Variants in GLS observed in about 807,000 individuals in gnomAD.
The protein encoded by GLS is glutaminase kidney isoform, mitochondrial.
A neutral mutation model predicts 86.7 loss-of-function variants in GLS; 36 were observed. That is an observed-to-expected ratio of 0.42 (90% confidence interval 0.32 to 0.55). The LOEUF (loss-of-function observed/expected upper bound fraction) is 0.55. Among genes scored for constraint, GLS ranks in the 20% least tolerant of loss-of-function variants. The pLI is 0.17. For synonymous variants in GLS, 317 were observed against 305.9 expected, an observed-to-expected ratio of 1.04 and a Z score of -0.38; for missense variants, 528 against 833.4, an observed-to-expected ratio of 0.63 and a Z score of 4.51.
intron 14 of GLS, among the ~76,000 whole-genome samples, chr2:190,936,264 A>G (rs1690265747): frequency 6.6e-6 from 1 of 151,168 alleles, no homozygotes; most frequent in Non-Finnish European, 1.5e-5. Flanking sequence ...ATTTATGTGG[A>G]AAGAACTGCT....
intron 7 of GLS, chr2:190,919,592 GT>G (rs1689668278): frequency 2.5e-6 from 1 of 396,336 alleles, no homozygotes; most frequent in East Asian, 1.6e-4. Flanking sequence ...GGTTACAAAG[GT>G]TTTTGTGGTT....
chr2:190,884,402 T>G (rs192967041), intron 1 of GLS, among the ~76,000 whole-genome samples: 2 of 152,254 alleles, frequency 1.3e-5, no homozygotes, highest in Non-Finnish European at 2.9e-5. Context: ...CGTACTGTTA[T>G]GAGAGTAATT....
chr2:190,941,081 A>G lies in GLS; in HGVS notation c.1650+9444A>G, dbSNP rs538220999. ...CTTTATTATTCACTGATAGGTTCTT[A>G]TTCAACTAATGTTTATTTCTTGCCT... On this transcript the variant is annotated intron_variant, in intron 14 of 17. Coordinates refer to ENST00000320717, the MANE Select transcript of GLS (RefSeq NM_014905.5). Among the ~76,000 whole-genome samples the G allele has an allele frequency of 2.6e-5, 4 of 152,286 alleles. No homozygotes were observed. In the South Asian group the frequency reaches 8.3e-4, roughly 32 times the overall value.
Position 190,921,130 on chromosome 2 carries a change from A to G in GLS, c.1072-15A>G. 2 of 1,599,080 alleles carry G rather than the reference A, an allele frequency of 1.3e-6. No individual in the cohort carries two copies. Among genetic ancestry groups the G allele is most frequent in the Non-Finnish European group, 1.7e-6 (2 of 1,166,958 alleles). Reference sequence around the variant, plus strand: ...TGTTTTTTGATTACTAATATTCCCTACTTTTGGTTTCTAGGTCATGCAGTT... The same window carrying G: ...TGTTTTTTGATTACTAATATTCCCTGCTTTTGGTTTCTAGGTCATGCAGTT... On this transcript the variant is annotated splice_polypyrimidine_tract_variant and intron_variant, in intron 8 of 17. Coordinates refer to ENST00000320717, the MANE Select transcript of GLS (RefSeq NM_014905.5). This position sits in a 1 kb window ranked among gnomAD's most constrained non-coding sequence, Gnocchi z 4.2.
intron 3 of GLS, among the ~76,000 whole-genome samples, chr2:190,899,475 C>T (rs895801861): frequency 1.3e-5 from 2 of 151,934 alleles, no homozygotes; most frequent in African/African-American, 4.8e-5. Flanking sequence ...TGGCTTTTAG[C>T]TTTAATTTGG....
At chr2:190,916,204 A>C (rs1250218315) in intron 7 of GLS, among the ~76,000 whole-genome samples, 1 of 152,188 alleles carries the variant, frequency 6.6e-6, no homozygotes. Flanking sequence ...TTAGTATGGG[A>C]AATTATTAGC....
intron 4 of GLS, among the ~76,000 whole-genome samples, chr2:190,901,288 G>T (rs367560462): frequency 2.6e-5 from 4 of 151,762 alleles, no homozygotes; most frequent in Non-Finnish European, 5.9e-5. Flanking sequence ...ATTATATACC[G>T]AATTCTTACA....
intron 3 of GLS, among the ~76,000 whole-genome samples, chr2:190,899,748 A>G (rs1688873524): frequency 6.6e-6 from 1 of 152,168 alleles, no homozygotes; most frequent in South Asian, 2.1e-4. Flanking sequence ...CTACGTTAAT[A>G]TACTGATTTT....
rs1691030796 is a variant in GLS at position 190,962,640 on chromosome 2, A to G, written c.1854-190A>G. Among the ~76,000 whole-genome samples the G allele has an allele frequency of 6.6e-6, 1 of 152,076 alleles. No homozygotes were observed. Among genetic ancestry groups the G allele is most frequent in the African/African-American group, 2.4e-5 (1 of 41,412 alleles). On this transcript the variant is annotated intron_variant, in intron 17 of 17. Transcript: ENST00000320717. This position sits in a 1 kb window ranked among gnomAD's most constrained non-coding sequence, Gnocchi z 4.2. ...TTTTTCTCTTCCTCTCCATATCCCA[A>G]CTTGTCTTGGAGACTACTTTTTGAA...
intron 14 of GLS, among the ~76,000 whole-genome samples, chr2:190,940,512 C>T (rs1051526420): frequency 5.3e-5 from 8 of 152,158 alleles, no homozygotes; most frequent in African/African-American, 1.9e-4. Flanking sequence ...TGCCCTTATT[C>T]TGGCAAATTA....
At chr2:190,957,657 TTGAGA>T (rs752390481) in intron 17 of GLS, among the ~76,000 whole-genome samples, 3 of 152,230 alleles carry the variant, frequency 2.0e-5, no homozygotes, top group Non-Finnish European at 4.4e-5. Flanking sequence ...TCTGCATCTA[TTGAGA>T]TAATTGTGGT....
chr2:190,916,126 A>ATAT (rs1263055001), intron 7 of GLS, among the ~76,000 whole-genome samples: 2 of 152,252 alleles, frequency 1.3e-5, no homozygotes, highest in African/African-American at 4.8e-5. Flanking sequence ...ATCCACTGAT[A>ATAT]TATGAACTAA....
intron 7 of GLS, chr2:190,919,667 CA>C: frequency 2.3e-6 from 2 of 867,070 alleles, no homozygotes; most frequent in Non-Finnish European, 2.8e-6. Flanking sequence ...TGCAACAGTT[CA>C]ATGAAGTTGG....
intron 7 of GLS, among the ~76,000 whole-genome samples, chr2:190,916,266 A>G (rs900457687): frequency 6.6e-6 from 1 of 152,218 alleles, no homozygotes; most frequent in Admixed American, 6.5e-5. Flanking sequence ...CAAACATACA[A>G]AATACACGAG....
intron 14 of GLS, among the ~76,000 whole-genome samples, chr2:190,936,282 A>C (rs959273611): frequency 4.0e-5 from 6 of 151,164 alleles, no homozygotes; most frequent in Admixed American, 1.3e-4. Flanking sequence ...GCTGAAATAT[A>C]CTGATATGTC....
Position 190,895,337 on chromosome 2 carries a change from T to C in GLS, c.483+89T>C. The C allele has an allele frequency of 1.7e-6, 1 of 595,670 alleles. No individual in the cohort carries two copies. Among genetic ancestry groups the C allele is most frequent in the Non-Finnish European group, 3.0e-6 (1 of 337,726 alleles). 36.9% of individuals were successfully genotyped at this position (595,670 alleles called of 1,614,324 possible). On this transcript the variant is annotated intron_variant, in intron 2 of 17. Transcript: ENST00000320717. This position sits in a 1 kb window ranked among gnomAD's most constrained non-coding sequence, Gnocchi z 4.2. ...TATTGAAATATAGTCTTAAAGGTCGTCTGACATGTAGATTCTGACTGACAA... is the reference window on the plus strand; with the variant it reads ...TATTGAAATATAGTCTTAAAGGTCGCCTGACATGTAGATTCTGACTGACAA...
intron 3 of GLS, among the ~76,000 whole-genome samples, chr2:190,898,742 C>G (rs537686174): frequency 6.6e-6 from 1 of 152,284 alleles, no homozygotes; most frequent in Admixed American, 6.5e-5. Flanking sequence ...AGCAATTCTC[C>G]TGCCTCAGCC....
intron 12 of GLS, among the ~76,000 whole-genome samples, chr2:190,928,761 T>C (rs545801598): frequency 6.6e-6 from 1 of 151,632 alleles, no homozygotes; most frequent in African/African-American, 2.4e-5. Context: ...CTCTCTTTTT[T>C]TCTTGTTATT....
intron 14 of GLS, among the ~76,000 whole-genome samples, chr2:190,931,901 G>C (rs1558986924): frequency 6.6e-6 from 1 of 151,780 alleles, no homozygotes; most frequent in Non-Finnish European, 1.5e-5. Context: ...CTAGTGTCAG[G>C]GATTTCCCCT....
Sources: allele counts gnomAD v4.1 joint callset (sites outside exome capture counted in the v4.1 genomes callset), GRCh38; gene constraint gnomAD v4.1.1; non-coding constraint Gnocchi (gnomAD v3.1); transcripts MANE v1.5; gene names NCBI Gene and HGNC (gene_info 2026-07-23, HGNC 2026-07-21).